Variants in TPD52 observed in about 807,000 individuals in gnomAD.
TPD52 encodes the protein tumor protein D52, also known as prostate and colon associated protein.
A neutral mutation model predicts 31.3 loss-of-function variants in TPD52; 17 were observed. The ratio of observed to expected loss-of-function variants is 0.54; its 90% CI spans 0.37 to 0.82. The LOEUF is 0.82. Among genes scored for constraint, TPD52 ranks in the 40% least tolerant of loss-of-function variants. The pLI is 0.00. For missense variants in TPD52, 212 were observed against 240.1 expected (o/e 0.88, Z 0.77); for synonymous variants, 83 against 89.6 (o/e 0.93, Z 0.42).
At chr8:80,134,334 A>G (rs1431435446) in intron 1 of TPD52, among the ~76,000 whole-genome samples, 1 of 152,200 alleles carries the variant, frequency 6.6e-6, no homozygotes, top group Non-Finnish European at 1.5e-5. Context: ...CCTTTACAAG[A>G]GGAAAATGGT....
rs4403679 is a variant in TPD52, at chr8:80,135,904, T to C, written c.19+35521A>G. Among the ~76,000 whole-genome samples the C allele has an allele frequency of 6.0e-3, 812 of 135,624 alleles. 6 individuals are homozygous for C. Among genetic ancestry groups the C allele is most frequent in the African/African-American group, 0.021 (747 of 36,192 alleles). The allele number at this position is 135,624 out of a possible 152,430, so 89.0% of individuals were successfully genotyped here. A position where few individuals can be genotyped will look rare whatever the true frequency, so the allele number is the denominator to read the frequency against. On this transcript the variant is annotated intron_variant, in intron 1 of 7. Transcript: ENST00000518937. ...AGAACAAAAAACCAAACACCGCATA[T>C]TCTCACTCATAGGTGGGAAGTGAAC...
intron 1 of TPD52, among the ~76,000 whole-genome samples, chr8:80,096,285 CACACAA>C (rs1816730740): frequency 9.2e-6 from 1 of 109,156 alleles, no homozygotes; most frequent in African/African-American, 3.4e-5. Context: ...CAAACACACA[CACACAA>C]ACACACACAC....
downstream of TPD52, among the ~76,000 whole-genome samples, chr8:80,031,346 A>G (rs1407005781): frequency 6.6e-6 from 1 of 152,240 alleles, no homozygotes; most frequent in Non-Finnish European, 1.5e-5. Flanking sequence ...AATTGTATGA[A>G]TCACATAAAA....
intron 1 of TPD52, among the ~76,000 whole-genome samples, chr8:80,157,451 A>G (rs903339484): frequency 6.6e-6 from 1 of 152,194 alleles, no homozygotes; most frequent in African/African-American, 2.4e-5. Context: ...TCACCAGGAG[A>G]GGCAGGCTTG....
intron 1 of TPD52, among the ~76,000 whole-genome samples, chr8:80,128,259 C>T (rs1167788267): frequency 1.3e-5 from 2 of 151,764 alleles, no homozygotes; most frequent in Non-Finnish European, 2.9e-5. Context: ...AGAAGGAAAA[C>T]AACATATCAC....
chr8:80,032,813 G>C (rs1809725172), downstream of TPD52: 1 of 152,314 alleles, frequency 6.6e-6, no homozygotes. Flanking sequence ...AAAGTTCTTA[G>C]GATGTCGCTT....
chr8:80,048,222 T>A (rs1811059611), intron 5 of TPD52, among the ~76,000 whole-genome samples: 1 of 152,184 alleles, frequency 6.6e-6, no homozygotes, highest in Admixed American at 6.5e-5. Context: ...CTCTCTCTTC[T>A]CTATTTCCTT....
chr8:80,118,083 G>A (rs1048459795), intron 1 of TPD52, among the ~76,000 whole-genome samples: 3 of 152,064 alleles, frequency 2.0e-5, no homozygotes, highest in Admixed American at 1.3e-4. Flanking sequence ...CAGTAATCAA[G>A]ATAATGTGTT....
intron 1 of TPD52, among the ~76,000 whole-genome samples, chr8:80,100,290 C>A (rs1196960509): frequency 6.6e-6 from 1 of 152,140 alleles, no homozygotes; most frequent in East Asian, 1.9e-4. Flanking sequence ...TAAGCTGATC[C>A]AAGCCCTAAT....
intron 2 of TPD52, among the ~76,000 whole-genome samples, chr8:80,056,273 A>C (rs1811878317): frequency 6.6e-6 from 1 of 152,222 alleles, no homozygotes; most frequent in South Asian, 2.1e-4. Context: ...GCACAGAAAG[A>C]TAAATACTGC....
intron 1 of TPD52, among the ~76,000 whole-genome samples, chr8:80,113,302 A>C (rs1196021333): frequency 6.6e-6 from 1 of 151,626 alleles, no homozygotes; most frequent in African/African-American, 2.4e-5. Context: ...GCAATGATGC[A>C]GAGAAAAGGG....
intron 5 of TPD52, among the ~76,000 whole-genome samples, chr8:80,045,651 T>C (rs1216193263): frequency 1.3e-5 from 2 of 152,182 alleles, no homozygotes. Flanking sequence ...GAGGTGATCA[T>C]GCAGGGAATC....
rs1430357303 is a variant in TPD52, at chr8:80,170,172, T to C, written c.19+1253A>G. Among the ~76,000 whole-genome samples the C allele has an allele frequency of 2.6e-5, 4 of 152,166 alleles. 1 individual carries two copies. Among genetic ancestry groups the C allele is most frequent in the African/African-American group, 9.7e-5 (4 of 41,436 alleles). ...GCTCACACCTGTAATCCCAGCACTT[T>C]GGGAGGCTGAGGCGGGTGGATCACC... On this transcript the variant is annotated intron_variant, in intron 1 of 7. Coordinates refer to ENST00000518937, the MANE Select transcript of TPD52 (RefSeq NM_001025253.3).
chr8:80,033,662 C>A (rs900236956), downstream of TPD52, among the ~76,000 whole-genome samples: 3 of 152,020 alleles, frequency 2.0e-5, no homozygotes, highest in African/African-American at 7.3e-5. Flanking sequence ...GTCCTGTGTC[C>A]AGGAAGAATG....
chr8:80,102,128 C>A (rs559756131), intron 1 of TPD52, among the ~76,000 whole-genome samples: 2 of 152,326 alleles, frequency 1.3e-5, no homozygotes, highest in East Asian at 3.9e-4. Flanking sequence ...AAACATTGAA[C>A]ATTTACCATC....
intron 1 of TPD52, among the ~76,000 whole-genome samples, chr8:80,089,998 G>C (rs751119292): frequency 2.6e-5 from 4 of 152,182 alleles, no homozygotes; most frequent in Non-Finnish European, 5.9e-5. Flanking sequence ...TGGTGATCTC[G>C]CACTGAAGTT....
At chr8:80,147,873 C>CT (rs1810311935) in intron 1 of TPD52, among the ~76,000 whole-genome samples, 1 of 151,928 alleles carries the variant, frequency 6.6e-6, no homozygotes, top group Non-Finnish European at 1.5e-5. Context: ...ACCCCCTGTA[C>CT]TTTATTTCCT....
At chr8:80,138,052 T>C (rs986445397) in intron 1 of TPD52, among the ~76,000 whole-genome samples, 7 of 152,144 alleles carry the variant, frequency 4.6e-5, no homozygotes, top group African/African-American at 1.7e-4. Flanking sequence ...CAAGCAATTC[T>C]CCTGCCTCAG....
intron 1 of TPD52, among the ~76,000 whole-genome samples, chr8:80,071,005 T>C (rs760323367): frequency 3.3e-5 from 5 of 152,084 alleles, no homozygotes; most frequent in Non-Finnish European, 5.9e-5. Context: ...TATGTGAAGA[T>C]ACAGAGCGCA....
Sources: allele counts gnomAD v4.1 joint callset (sites outside exome capture counted in the v4.1 genomes callset), GRCh38; gene constraint gnomAD v4.1.1; transcripts MANE v1.5; gene names NCBI Gene and HGNC (gene_info 2026-07-23, HGNC 2026-07-21).